PKP4: variants seen among roughly 807,000 people sequenced by gnomAD.
The protein encoded by PKP4 is plakophilin-4.
Under a neutral mutation model 145.1 loss-of-function variants are expected in PKP4, and 90 were observed. The ratio of observed to expected loss-of-function variants is 0.62; its 90% confidence interval spans 0.52 to 0.74. PKP4 has a LOEUF of 0.74. PKP4 is among the 30% of genes least tolerant of loss of function. The pLI, the probability that PKP4 is intolerant of heterozygous loss-of-function variation, is 0.00. For missense variants in PKP4, 1,340 were observed against 1,482.7 expected, an observed-to-expected ratio of 0.90 and a Z score of 1.58; for synonymous variants, 563 against 577.2, an observed-to-expected ratio of 0.98 and a Z score of 0.35.
chr2:158,611,245 A>G (rs1262390556), intron 4 of PKP4, among the ~76,000 whole-genome samples: 1 of 152,220 alleles, frequency 6.6e-6, no homozygotes, highest in Admixed American at 6.5e-5. Context: ...ACAGTGCTGC[A>G]TTCATTTATT....
intron 3 of PKP4, among the ~76,000 whole-genome samples, chr2:158,600,616 C>T (rs2050147820): frequency 6.6e-6 from 1 of 152,180 alleles, no homozygotes; most frequent in African/African-American, 2.4e-5. Context: ...TTGTCCAATC[C>T]CTGAGTCCCA....
chr2:158,631,880 C>T lies in PKP4; in HGVS notation c.1281C>T (p.Ser427=). The change falls in exon 8 of 22, where the codon AGC becomes AGT. Residue 427 remains serine, a synonymous_variant. Coordinates refer to ENST00000389759, the MANE Select transcript of PKP4 (RefSeq NM_003628.6). ...GRTYYSPVYR[S]PNHGTVELQG... ...CCTATTACAGCCCAGTGTACCGCAGCCCAAACCATGGAACTGTGGAGCTCC... is the reference window on the plus strand; with the variant it reads ...CCTATTACAGCCCAGTGTACCGCAGTCCAAACCATGGAACTGTGGAGCTCC... 6.2e-7 allele frequency: 1 copy of T among 1,614,150 alleles called. No individual in the cohort carries two copies. Among genetic ancestry groups the T allele is most frequent in the East Asian group, 2.2e-5 (1 of 44,884 alleles).
chr2:158,492,647 T>C (rs1159003580), intron 1 of PKP4, among the ~76,000 whole-genome samples: 1 of 152,220 alleles, frequency 6.6e-6, no homozygotes, highest in Non-Finnish European at 1.5e-5. Context: ...GAAAATTGCT[T>C]TCCTTCTTTG....
At chr2:158,489,907 A>C (rs1210201554) in intron 1 of PKP4, among the ~76,000 whole-genome samples, 1 of 152,180 alleles carries the variant, frequency 6.6e-6, no homozygotes, top group African/African-American at 2.4e-5. Context: ...AATGAGCTTC[A>C]AAACCCAGGC....
intron 1 of PKP4, among the ~76,000 whole-genome samples, chr2:158,484,663 A>G (rs889242344): frequency 6.6e-6 from 1 of 152,252 alleles, no homozygotes; most frequent in Admixed American, 6.5e-5. Context: ...GATAAAGATG[A>G]TGACAATCAG....
intron 2 of PKP4, among the ~76,000 whole-genome samples, chr2:158,550,824 C>T (rs901518427): frequency 6.6e-6 from 1 of 152,146 alleles, no homozygotes; most frequent in South Asian, 2.1e-4. Context: ...TTTAGAATTA[C>T]AAAATGAATA....
chr2:158,576,754 TATAG>T (rs936989758), intron 2 of PKP4, among the ~76,000 whole-genome samples: 4 of 152,244 alleles, frequency 2.6e-5, no homozygotes, highest in African/African-American at 9.6e-5. Context: ...TTGGTTATAT[TATAG>T]ATAAATACGG....
At chr2:158,593,780 C>T in intron 3 of PKP4, among the ~76,000 whole-genome samples, 1 of 152,024 alleles carries the variant, frequency 6.6e-6, no homozygotes, top group East Asian at 1.9e-4. Context: ...CAAAAATATA[C>T]AGTAGAGTAG....
At chr2:158,580,117 T>C (rs2048209069) in intron 3 of PKP4, among the ~76,000 whole-genome samples, 1 of 152,198 alleles carries the variant, frequency 6.6e-6, no homozygotes, top group Admixed American at 6.5e-5. Context: ...GAGGGAGTGG[T>C]TGATATATGC....
At chr2:158,610,538 C>T (rs1270654053) in intron 4 of PKP4, among the ~76,000 whole-genome samples, 4 of 152,110 alleles carry the variant, frequency 2.6e-5, no homozygotes, top group Non-Finnish European at 5.9e-5. Flanking sequence ...TAAAGAAAAA[C>T]ACCAACTCAA....
chr2:158,565,618 G>A (rs1417459126), intron 2 of PKP4, among the ~76,000 whole-genome samples: 6 of 151,764 alleles, frequency 4.0e-5, no homozygotes, highest in African/African-American at 9.7e-5. Flanking sequence ...CAGGAGAGTC[G>A]GAGAAAAACA....
At chr2:158,552,955 A>T (rs1005427145) in intron 2 of PKP4, among the ~76,000 whole-genome samples, 4 of 152,214 alleles carry the variant, frequency 2.6e-5, no homozygotes, top group Admixed American at 1.3e-4. Flanking sequence ...AAGATGCGAT[A>T]GCCACAGAGA....
intron 1 of PKP4, among the ~76,000 whole-genome samples, chr2:158,499,078 CG>C (rs1696176010): frequency 6.6e-6 from 1 of 152,104 alleles, no homozygotes; most frequent in African/African-American, 2.4e-5. Context: ...AGAGAGCCTG[CG>C]GTAGGGGTGC....
intron 15 of PKP4, among the ~76,000 whole-genome samples, chr2:158,664,644 A>T (rs1181875662): frequency 1.3e-5 from 2 of 152,210 alleles, no homozygotes; most frequent in Admixed American, 1.3e-4. Flanking sequence ...ATATAGAGCG[A>T]TAACTATGGT....
chr2:158,649,569 G>A (rs186790197), intron 11 of PKP4, among the ~76,000 whole-genome samples: 7 of 152,236 alleles, frequency 4.6e-5, no homozygotes, highest in Non-Finnish European at 7.4e-5. Context: ...TAGGTCTTGC[G>A]TCTATTTCAA....
intron 4 of PKP4, among the ~76,000 whole-genome samples, chr2:158,603,521 A>G (rs2050397073): frequency 6.6e-6 from 1 of 152,150 alleles, no homozygotes; most frequent in African/African-American, 2.4e-5. Context: ...TAGAATATCT[A>G]GTAGCTTCTA....
intron 4 of PKP4, among the ~76,000 whole-genome samples, chr2:158,607,116 C>T (rs2050721165): frequency 6.6e-6 from 1 of 152,122 alleles, no homozygotes; most frequent in Admixed American, 6.5e-5. Flanking sequence ...AATGCTTTTG[C>T]TATATGTAAC....
rs114075051 is a variant in PKP4 at position 158,625,936 on chromosome 2, C to T, written c.1153+509C>T. 2.4e-3 allele frequency among the ~76,000 whole-genome samples: 367 copies of T among 152,174 alleles called. 2 individuals are homozygous for T. Among genetic ancestry groups the T allele is most frequent in the African/African-American group, 8.2e-3 (340 of 41,494 alleles). The stretch of plus-strand genomic sequence containing the variant: ...GCATTTTAACGGTAAATGCACAAAG[C>T]GCTTATGAATCACTTTTACATGCCA... On this transcript the variant is annotated intron_variant, in intron 7 of 21. Transcript: ENST00000389759.
intron 9 of PKP4, 41 bp downstream of exon 9, chr2:158,634,330 C>T (rs1574886153): frequency 1.3e-6 from 2 of 1,511,616 alleles, no homozygotes; most frequent in East Asian, 4.5e-5. Flanking sequence ...TACAGTATTG[C>T]AGGAGTCAGC....
Sources: gnomAD v4.1 joint callset for allele counts (sites outside exome capture counted in the v4.1 genomes callset) on GRCh38, gnomAD v4.1.1 for gene constraint, MANE v1.5 for transcripts, NCBI Gene and HGNC (gene_info 2026-07-23, HGNC 2026-07-21) for gene names.